Variants in HVCN1 observed in about 807,000 individuals in gnomAD.
HVCN1 encodes hydrogen voltage gated channel 1.
Under a neutral mutation model 29.2 loss-of-function variants are expected in HVCN1, and 14 were observed. The ratio of observed to expected loss-of-function variants is 0.48; its 90% confidence interval spans 0.32 to 0.75. The LOEUF is 0.75. Among genes scored for constraint, HVCN1 ranks in the 30% least tolerant of loss-of-function variants. The pLI, the probability that HVCN1 is intolerant of heterozygous loss-of-function variation, is 0.04. For synonymous variants in HVCN1, 131 were observed against 133.2 expected (o/e 0.98, Z 0.11); for missense variants, 263 against 341.8 (o/e 0.77, Z 1.82).
chr12:110,704,183 T>A (rs2069586531), intron 1 of HVCN1, among the ~76,000 whole-genome samples: 1 of 152,076 alleles, frequency 6.6e-6, no homozygotes, highest in Admixed American at 6.5e-5. Flanking sequence ...AACCTAAAAG[T>A]CCGTCCATGG....
At chr12:110,656,367 G>T (rs184959786) in intron 4 of HVCN1, among the ~76,000 whole-genome samples, 2 of 152,286 alleles carry the variant, frequency 1.3e-5, no homozygotes, top group African/African-American at 4.8e-5. Flanking sequence ...GTGGGTGGGT[G>T]GTCTCACTGA....
upstream of HVCN1, among the ~76,000 whole-genome samples, chr12:110,692,371 C>A (rs575194484): frequency 7.2e-5 from 11 of 152,268 alleles, 1 homozygote; most frequent in South Asian, 1.5e-3. Context: ...GATGAAGGAA[C>A]AGCCTTTGTT....
In HVCN1 at chr12:110,661,992, C is replaced by T. The variant is rs2136301657; in HGVS notation, c.22-544G>A. Among the ~76,000 whole-genome samples the T allele has an allele frequency of 6.6e-6, 1 of 152,326 alleles. No individual in the cohort carries two copies. The highest frequency in any genetic ancestry group is 2.1e-4 in the South Asian group (1 of 4,830). Reference sequence around the variant, plus strand: ...TTGTTTAAAGCAAAAGCAAATATCCCTGTGCCCTCTCTCCACTTTACCCAA... The same window carrying T: ...TTGTTTAAAGCAAAAGCAAATATCCTTGTGCCCTCTCTCCACTTTACCCAA... On this transcript the variant is annotated intron_variant, in intron 3 of 7. Transcript: ENST00000242607. The surrounding 1 kb of genome is among the most constrained non-coding windows in gnomAD (Gnocchi z 6.2).
At chr12:110,690,379 A>T (rs934566514), upstream of HVCN1, among the ~76,000 whole-genome samples, 2 of 152,248 alleles carry the variant, frequency 1.3e-5, no homozygotes, top group East Asian at 3.9e-4. Context: ...TAGGATGTGG[A>T]TATCTTGGTA....
At chr12:110,651,100 C>A in intron 6 of HVCN1, 117 bp downstream of exon 6, 1 of 691,888 alleles carries the variant, frequency 1.4e-6, no homozygotes, top group South Asian at 1.8e-5. Context: ...AGAGGGGAGG[C>A]CTCCATAACA....
chr12:110,683,052 T>C, intron 3 of HVCN1, 173 bp downstream of exon 3: 1 of 800,564 alleles, frequency 1.2e-6, no homozygotes, highest in Non-Finnish European at 2.1e-6. Context: ...TCAGGCTACT[T>C]GGAGGTTTTG....
intron 2 of HVCN1, among the ~76,000 whole-genome samples, chr12:110,684,058 G>A (rs973285259): frequency 6.6e-6 from 1 of 151,846 alleles, no homozygotes; most frequent in African/African-American, 2.4e-5. Flanking sequence ...GATATGAAAT[G>A]TCCGGAACAG....
intron 2 of HVCN1, among the ~76,000 whole-genome samples, chr12:110,684,010 AGCCAGACAT>A (rs2069090728): frequency 6.6e-6 from 1 of 152,040 alleles, no homozygotes; most frequent in Non-Finnish European, 1.5e-5. Context: ...AAGTGAAAAA[AGCCAGACAT>A]AAAATGTCAC....
intron 2 of HVCN1, among the ~76,000 whole-genome samples, chr12:110,701,485 C>A (rs528779122): frequency 3.7e-4 from 57 of 152,276 alleles, no homozygotes; most frequent in Middle Eastern, 6.8e-3. Flanking sequence ...TCAGGGCACC[C>A]AATTTGAGAA....
At chr12:110,651,129 G>T in intron 6 of HVCN1, 88 bp downstream of exon 6, 1 of 938,752 alleles carries the variant, frequency 1.1e-6, no homozygotes, top group African/African-American at 1.6e-5. Flanking sequence ...TGTGAGCTCA[G>T]GCACCCAGAG....
At chr12:110,677,368 T>C (rs1476509648) in intron 3 of HVCN1, among the ~76,000 whole-genome samples, 1 of 152,184 alleles carries the variant, frequency 6.6e-6, no homozygotes, top group Non-Finnish European at 1.5e-5. Context: ...CCACAGGACC[T>C]TTGCACACGT....
chr12:110,677,132 A>G (rs1310545530), intron 3 of HVCN1, among the ~76,000 whole-genome samples: 1 of 151,728 alleles, frequency 6.6e-6, no homozygotes, highest in Non-Finnish European at 1.5e-5. Context: ...TTGAGCCCAG[A>G]ATGTTGAGGC....
At chr12:110,686,001 A>T (rs1461783166) in intron 2 of HVCN1, among the ~76,000 whole-genome samples, 4 of 148,776 alleles carry the variant, frequency 2.7e-5, no homozygotes, top group Middle Eastern at 3.6e-3. Flanking sequence ...AACTTCTATA[A>T]TTTTTTTTTT....
intron 2 of HVCN1, among the ~76,000 whole-genome samples, chr12:110,696,209 C>G (rs1036266312): frequency 4.6e-5 from 7 of 151,938 alleles, no homozygotes; most frequent in Non-Finnish European, 1.0e-4. Context: ...CCACCTTGAC[C>G]TCCCAAAATG....
intron 5 of HVCN1, among the ~76,000 whole-genome samples, chr12:110,653,486 A>T (rs2067881868): frequency 6.6e-6 from 1 of 151,686 alleles, no homozygotes; most frequent in Non-Finnish European, 1.5e-5. Context: ...AAAAATTCCA[A>T]GGAGACATAA....
chr12:110,659,627 T>C (rs1354278663), intron 4 of HVCN1, among the ~76,000 whole-genome samples: 1 of 152,200 alleles, frequency 6.6e-6, no homozygotes, highest in Non-Finnish European at 1.5e-5. Context: ...AAATCAGAAA[T>C]GTCCTTCTAG....
chr12:110,701,379 G>C (rs2069562269), intron 2 of HVCN1, among the ~76,000 whole-genome samples: 1 of 152,174 alleles, frequency 6.6e-6, no homozygotes. Context: ...TACTAAACTT[G>C]ATGAAAATGC....
chr12:110,648,870 CA>C lies in HVCN1; in HGVS notation c.*539del. ...ATTGAGGAAAAATGTTGTCAGGTGGCAGAAAACAATGGAGCCACCTAGAAGC... is the reference window on the plus strand; with the variant it reads ...ATTGAGGAAAAATGTTGTCAGGTGGCGAAAACAATGGAGCCACCTAGAAGC... On this transcript the variant is annotated 3_prime_UTR_variant, in exon 8 of 8. Transcript: ENST00000242607. 10 of 377,162 alleles carry C rather than the reference CA, an allele frequency of 2.7e-5. 1 individual carries two copies. Among genetic ancestry groups the C allele is most frequent in the South Asian group, 2.0e-4 (10 of 50,838 alleles). The allele number at this position is 377,162 out of a possible 1,614,324, so 23.4% of individuals were successfully genotyped here. A position where few individuals can be genotyped will look rare whatever the true frequency, so the allele number is the denominator to read the frequency against.
intron 5 of HVCN1, among the ~76,000 whole-genome samples, chr12:110,654,381 C>T (rs1427348755): frequency 1.3e-5 from 2 of 151,674 alleles, no homozygotes; most frequent in African/African-American, 4.9e-5. Context: ...CATATTCTGC[C>T]GTTTTCACCA....
Sources: allele counts gnomAD v4.1 joint callset (sites outside exome capture counted in the v4.1 genomes callset), GRCh38; gene constraint gnomAD v4.1.1; non-coding constraint Gnocchi (gnomAD v3.1); transcripts MANE v1.5; gene names NCBI Gene and HGNC (gene_info 2026-07-23, HGNC 2026-07-21).